Variants in SLC19A3 observed in about 807,000 individuals in gnomAD.
SLC19A3 encodes solute carrier family 19 member 3.
In SLC19A3, 31 loss-of-function variants were observed where a neutral mutation model predicts 40.2. That is an observed-to-expected ratio of 0.77 (90% CI 0.58 to 1.04). The LOEUF (loss-of-function observed/expected upper bound fraction) is 1.04. Among genes scored for constraint, SLC19A3 ranks in the 50% least tolerant of loss-of-function variants. The probability of loss-of-function intolerance (pLI) is 0.00; values close to 1 mark genes in which losing one functional copy is unlikely to be tolerated. For synonymous variants in SLC19A3, 212 were observed against 227.5 expected, an observed-to-expected ratio of 0.93 and a Z score of 0.61; for missense variants, 592 against 596.7, an observed-to-expected ratio of 0.99 and a Z score of 0.08.
intron 4 of SLC19A3, among the ~76,000 whole-genome samples, chr2:227,691,694 C>A (rs975877191): frequency 6.6e-6 from 1 of 151,922 alleles, no homozygotes; most frequent in Non-Finnish European, 1.5e-5. Flanking sequence ...TAAGAGTAAA[C>A]TTAACCCAAA....
intron 1 of SLC19A3, among the ~76,000 whole-genome samples, chr2:227,712,765 G>C (rs1046346688): frequency 6.6e-6 from 1 of 151,946 alleles, no homozygotes; most frequent in African/African-American, 2.4e-5. Flanking sequence ...CTGCAAATAC[G>C]TGAATGAACA....
rs1284918778 is a variant in SLC19A3, at chr2:227,703,334, T to TACCTGGGGA, written c.-2-1015_-2-1014insTCCCCAGGT. Among the ~76,000 whole-genome samples, 2 of 152,036 alleles carry TACCTGGGGA rather than the reference T, an allele frequency of 1.3e-5. No individual in the cohort carries two copies. Among genetic ancestry groups the TACCTGGGGA allele is most frequent in the African/African-American group, 4.8e-5 (2 of 41,414 alleles). ...CCAGGTATCCAGTGGGTGGGGAGCT[T>TACCTGGGGA]TACTAGGGGTTGGGGAGGTAGGAAG... is the stretch of plus-strand genomic sequence containing the variant. On this transcript the variant is annotated intron_variant, in intron 1 of 5. Transcript: ENST00000644224. This position sits in a 1 kb window ranked among gnomAD's most constrained non-coding sequence, Gnocchi z 4.7.
chr2:227,688,372 G>T, intron 4 of SLC19A3, 65 bp from the exon 5 acceptor site: 1 of 1,505,974 alleles, frequency 6.6e-7, no homozygotes. Context: ...TAAAAAGATA[G>T]AACATATTGG....
intron 1 of SLC19A3, among the ~76,000 whole-genome samples, chr2:227,708,555 CTCTA>C (rs1340997041): frequency 8.4e-6 from 1 of 118,390 alleles, no homozygotes; most frequent in African/African-American, 2.8e-5. Context: ...GAGACCCTGT[CTCTA>C]TCAAACAAAC....
intron 4 of SLC19A3, among the ~76,000 whole-genome samples, chr2:227,693,978 A>C (rs1050415662): frequency 6.6e-6 from 1 of 152,230 alleles, no homozygotes; most frequent in African/African-American, 2.4e-5. Flanking sequence ...GGTGCTCAAC[A>C]TCATTGATAA....
intron 1 of SLC19A3, chr2:227,714,703 CAAA>C (rs769256469): frequency 0.021 from 3,734 of 176,664 alleles, 80 homozygotes; most frequent in Non-Finnish European, 0.024. Context: ...AAATCCCATC[CAAA>C]AAAAAAAAAA....
Position 227,703,717 on chromosome 2 carries a change from T to C in SLC19A3, c.-2-1397A>G, listed in dbSNP as rs550952565. Among the ~76,000 whole-genome samples the C allele has an allele frequency of 3.5e-4, 54 of 152,278 alleles. No homozygotes were observed. Among genetic ancestry groups the C allele is most frequent in the African/African-American group, 1.3e-3 (52 of 41,576 alleles). Reference sequence around the variant, plus strand: ...TATAGAAATGGCTGTCCTGGACAGGTGATCACTGAGGCTTGGTCATCTTCT... The same window carrying C: ...TATAGAAATGGCTGTCCTGGACAGGCGATCACTGAGGCTTGGTCATCTTCT... On this transcript the variant is annotated intron_variant, in intron 1 of 5. Transcript: ENST00000644224. This position sits in a 1 kb window ranked among gnomAD's most constrained non-coding sequence, Gnocchi z 4.7.
chr2:227,699,778 AAT>A (rs1181483658), intron 2 of SLC19A3, among the ~76,000 whole-genome samples: 2 of 152,200 alleles, frequency 1.3e-5, no homozygotes, highest in Non-Finnish European at 2.9e-5. Flanking sequence ...CCGGCAGAAA[AAT>A]ATATTGGCTT....
intron 2 of SLC19A3, 132 bp downstream of exon 2, chr2:227,702,037 C>T (rs1695715405): frequency 2.6e-6 from 2 of 765,894 alleles, no homozygotes; most frequent in Non-Finnish European, 4.4e-6. Context: ...ATATGGGACA[C>T]ATATTATGAA....
chr2:227,697,739 C>T (rs1695492587), intron 3 of SLC19A3, among the ~76,000 whole-genome samples: 1 of 152,154 alleles, frequency 6.6e-6, no homozygotes, highest in African/African-American at 2.4e-5. Flanking sequence ...CTTAGGGATT[C>T]AACTAGAATT....
At position 227,698,978 on chromosome 2, in the gene SLC19A3, T is replaced by G. The variant is rs548559478; in HGVS notation, c.737A>C (p.Lys246Thr). The G allele has an allele frequency of 3.1e-6, 5 of 1,614,216 alleles. No homozygotes were observed. The African/African-American group carries it at 4.0e-5, about 13-fold the overall frequency. The part of the protein sequence containing the change: ...EILSTSGKLN[K>T]GQLNSLKPSN... Reference sequence around the variant, plus strand: ...TGGTTTCAGGCTGTTCAGCTGGCCCTTATTCAGCTTCCCTGAAGTGCTGAG... The same window carrying G: ...TGGTTTCAGGCTGTTCAGCTGGCCCGTATTCAGCTTCCCTGAAGTGCTGAG... The change falls in exon 3 of 6, where the codon AAG becomes ACG. Residue 246 changes from lysine to threonine, a missense_variant. Physicochemically the swap from Lys to Thr is moderately conservative, Grantham distance 78. Transcript: ENST00000644224.
At chr2:227,711,527 T>C (rs1188293174) in intron 1 of SLC19A3, among the ~76,000 whole-genome samples, 3 of 152,138 alleles carry the variant, frequency 2.0e-5, no homozygotes, top group East Asian at 1.9e-4. Context: ...TGTAACTTCA[T>C]CTTACTTGAA....
intron 3 of SLC19A3, 45 bp downstream of exon 3, chr2:227,698,691 A>C: frequency 2.6e-6 from 4 of 1,532,574 alleles, no homozygotes; most frequent in African/African-American, 1.4e-5. Flanking sequence ...GAATGGACTT[A>C]AGCGGGTAAA....
At chr2:227,707,662 G>A (rs1695997692) in intron 1 of SLC19A3, among the ~76,000 whole-genome samples, 1 of 112,922 alleles carries the variant, frequency 8.9e-6, no homozygotes, top group African/African-American at 2.9e-5. Flanking sequence ...TTCATATTAT[G>A]AAAAAAGCCA....
rs1038830607 is a variant in SLC19A3, at chr2:227,686,094, G to A, written c.*1303C>T. The A allele has an allele frequency of 5.6e-5, 25 of 442,848 alleles. No homozygotes were observed. Among genetic ancestry groups the A allele is most frequent in the Non-Finnish European group, 1.1e-4 (25 of 220,728 alleles). The allele number at this position is 442,848 out of a possible 1,614,324, so 27.4% of individuals were successfully genotyped here. On this transcript the variant is annotated 3_prime_UTR_variant, in exon 6 of 6. Transcript: ENST00000644224. Reference sequence around the variant, plus strand: ...CACCCATAGTCCCAGCTACTTGGGAGGCTGAGGTAGGAGAATGGCTTGAAC... The same window carrying A: ...CACCCATAGTCCCAGCTACTTGGGAAGCTGAGGTAGGAGAATGGCTTGAAC...
At chr2:227,716,123 T>C (rs1696327141) in intron 1 of SLC19A3, among the ~76,000 whole-genome samples, 1 of 152,144 alleles carries the variant, frequency 6.6e-6, no homozygotes. Context: ...TAGAGGTCAT[T>C]TGAGCTATTT....
intron 4 of SLC19A3, among the ~76,000 whole-genome samples, chr2:227,693,785 A>C (rs1695321637): frequency 6.6e-6 from 1 of 152,154 alleles, no homozygotes; most frequent in African/African-American, 2.4e-5. Context: ...GAAAGAGGCC[A>C]CCCACAGAAT....
chr2:227,705,715 G>A (rs1255024696), intron 1 of SLC19A3, among the ~76,000 whole-genome samples: 1 of 150,826 alleles, frequency 6.6e-6, no homozygotes, highest in African/African-American at 2.5e-5. Flanking sequence ...CGGGTCTGTC[G>A]GGGAAATGGG....
chr2:227,690,776 A>G (rs533053871), intron 4 of SLC19A3, among the ~76,000 whole-genome samples: 29 of 151,630 alleles, frequency 1.9e-4, no homozygotes, highest in African/African-American at 7.0e-4. Context: ...TATATAAAGC[A>G]AGTATTAGAG....
Sources: allele counts gnomAD v4.1 joint callset (sites outside exome capture counted in the v4.1 genomes callset), GRCh38; gene constraint gnomAD v4.1.1; non-coding constraint Gnocchi (gnomAD v3.1); transcripts MANE v1.5; gene names NCBI Gene and HGNC (gene_info 2026-07-23, HGNC 2026-07-21).